CPEB2: variants seen among roughly 807,000 people sequenced by gnomAD.
CPEB2 encodes the protein cytoplasmic polyadenylation element binding protein 2, also known as cytoplasmic polyadenylation element-binding protein 2.
In CPEB2, 56 loss-of-function variants were observed where a neutral mutation model predicts 93.6. That is an observed-to-expected ratio of 0.60 (90% CI 0.48 to 0.75). The LOEUF is 0.75. Among genes scored for constraint, CPEB2 ranks in the 30% least tolerant of loss-of-function variants. The probability of loss-of-function intolerance (pLI) is 0.00; values close to 1 mark genes in which losing one functional copy is unlikely to be tolerated. For synonymous variants in CPEB2, 764 were observed against 586.3 expected, an observed-to-expected ratio of 1.30 and a Z score of -4.38; for missense variants, 1,579 against 1,395.1, an observed-to-expected ratio of 1.13 and a Z score of -2.10.
At chr4:15,022,142 G>A (rs1001707455) in intron 4 of CPEB2, among the ~76,000 whole-genome samples, 26 of 152,282 alleles carry the variant, frequency 1.7e-4, no homozygotes, top group African/African-American at 5.8e-4. Context: ...GTGGTTTTCA[G>A]GGCCCACCCT....
At chr4:15,035,778 G>A (rs1726543601) in intron 5 of CPEB2, among the ~76,000 whole-genome samples, 1 of 152,150 alleles carries the variant, frequency 6.6e-6, no homozygotes, top group Admixed American at 6.5e-5. Context: ...AAAGTGTGAT[G>A]CTGTTGCTCC....
intron 1 of CPEB2, chr4:15,004,847 GA>G (rs1269171107): frequency 6.6e-6 from 1 of 152,514 alleles, no homozygotes; most frequent in Non-Finnish European, 1.5e-5. Context: ...TTGGGCAGGG[GA>G]AAAATGATTG....
intron 4 of CPEB2, among the ~76,000 whole-genome samples, chr4:15,026,950 C>T (rs1725539789): frequency 6.6e-6 from 1 of 152,088 alleles, no homozygotes; most frequent in Admixed American, 6.6e-5. Flanking sequence ...TATTTTGTTG[C>T]CCATTTGCTA....
chr4:15,003,950 C>T lies in CPEB2; in HGVS notation c.1277C>T (p.Thr426Ile). The T allele has an allele frequency of 7.7e-7, 1 of 1,299,274 alleles. No homozygotes were observed. Among genetic ancestry groups the T allele is most frequent in the Non-Finnish European group, 1.0e-6 (1 of 1,000,050 alleles). 80.5% of individuals were successfully genotyped at this position (1,299,274 alleles called of 1,614,324 possible). The part of the protein sequence containing the change: ...QPQPPGSSAT[T>I]PGGGSGGSLS... The stretch of plus-strand genomic sequence containing the variant: ...CAGCCGCCCGGCTCGTCTGCCACCA[C>T]CCCGGGCGGCGGCAGCGGCGGCTCG... Residue 426 changes from threonine (T) to isoleucine (I), a missense_variant, in exon 1 of 12, where the codon ACC becomes ATC. By Grantham distance (89) the Thr-to-Ile change is moderately conservative (BLOSUM62 -1). This residue lies in a region of CPEB2 where 1,411 missense variants were observed against 1,056.0 expected (regional missense o/e 1.34). Coordinates refer to ENST00000538197, the MANE Select transcript of CPEB2 (RefSeq NM_001177382.2).
At chr4:15,055,536 A>G (rs1036763751) in intron 8 of CPEB2, among the ~76,000 whole-genome samples, 3 of 152,186 alleles carry the variant, frequency 2.0e-5, no homozygotes, top group Non-Finnish European at 4.4e-5. Flanking sequence ...AGCTACCATC[A>G]TCACTTGCCT....
chr4:15,020,185 C>T (rs2108997497), intron 4 of CPEB2, among the ~76,000 whole-genome samples: 1 of 152,178 alleles, frequency 6.6e-6, no homozygotes, highest in Admixed American at 6.6e-5. Context: ...CTTCTATGTC[C>T]TAGCCTTAGA....
At chr4:15,041,075 C>T (rs569926973) in intron 6 of CPEB2, among the ~76,000 whole-genome samples, 1 of 152,020 alleles carries the variant, frequency 6.6e-6, no homozygotes, top group African/African-American at 2.4e-5. Context: ...TTCCCTCCCC[C>T]ACAAAAGTAT....
At chr4:15,052,391 G>A in intron 6 of CPEB2, 23 bp from the exon 7 acceptor site, 2 of 1,387,886 alleles carry the variant, frequency 1.4e-6, no homozygotes, top group Non-Finnish European at 1.9e-6. Context: ...TGAGATTCAA[G>A]TTGTATTTGT....
intron 5 of CPEB2, among the ~76,000 whole-genome samples, chr4:15,035,784 G>A (rs76354299): frequency 0.025 from 3,831 of 152,216 alleles, 63 homozygotes; most frequent in Middle Eastern, 0.044. Flanking sequence ...TGATGCTGTT[G>A]CTCCTTGGAG....
At chr4:15,045,683 T>C (rs1727604770) in intron 6 of CPEB2, among the ~76,000 whole-genome samples, 1 of 152,138 alleles carries the variant, frequency 6.6e-6, no homozygotes, top group Non-Finnish European at 1.5e-5. Flanking sequence ...CAAATTAATA[T>C]CTTTAGGGTT....
chr4:15,040,592 C>T (rs1396085371), intron 6 of CPEB2, 105 bp downstream of exon 6: 3 of 1,030,276 alleles, frequency 2.9e-6, no homozygotes, highest in African/African-American at 1.6e-5. Context: ...TGAAAACTCA[C>T]ACAATTGTAT....
At chr4:15,040,548 GTAAT>G (rs1727068491) in intron 6 of CPEB2, 61 bp downstream of exon 6, 3 of 1,382,570 alleles carry the variant, frequency 2.2e-6, no homozygotes, top group African/African-American at 2.9e-5. Flanking sequence ...GATCAATGTT[GTAAT>G]TAATTACTCT....
intron 4 of CPEB2, among the ~76,000 whole-genome samples, chr4:15,023,689 C>T: frequency 6.6e-6 from 1 of 151,748 alleles, no homozygotes; most frequent in Non-Finnish European, 1.5e-5. Flanking sequence ...ATAGAAGTCT[C>T]CTTCCTCCTC....
Position 15,003,835 on chromosome 4 carries a change from G to T in CPEB2, c.1162G>T (p.Ala388Ser), listed in dbSNP as rs1188300003. Residue 388 changes from alanine (A) to serine (S), a missense_variant, in exon 1 of 12, where the codon GCG becomes TCG. Transcript: ENST00000538197. Reference protein sequence around the residue: ...GFGTPWSVQTASPPPQPQQPP... With the variant: ...GFGTPWSVQTSSPPPQPQQPP... ...CGGCACCCCCTGGTCGGTGCAGACC[G>T]CGTCGCCGCCACCCCAGCCCCAGCA... The T allele has an allele frequency of 2.2e-6, 2 of 912,794 alleles. No individual in the cohort carries two copies. The highest frequency in any genetic ancestry group is 3.1e-5 in the South Asian group (1 of 32,772). The allele number at this position is 912,794 out of a possible 1,614,324, so 56.5% of individuals were successfully genotyped here. A position where few individuals can be genotyped will look rare whatever the true frequency, so the allele number is the denominator to read the frequency against.
At chr4:15,025,579 G>C (rs1725357716) in intron 4 of CPEB2, among the ~76,000 whole-genome samples, 1 of 151,774 alleles carries the variant, frequency 6.6e-6, no homozygotes, top group African/African-American at 2.4e-5. Context: ...AAATGAACAT[G>C]GATGTGGGTC....
chr4:15,014,773 T>G (rs1723909448), intron 3 of CPEB2, among the ~76,000 whole-genome samples: 1 of 152,058 alleles, frequency 6.6e-6, no homozygotes, highest in Non-Finnish European at 1.5e-5. Context: ...TCCCTATTCT[T>G]AATCAACTTA....
intron 6 of CPEB2, among the ~76,000 whole-genome samples, chr4:15,049,816 TTCTC>T (rs1397362594): frequency 1.3e-5 from 2 of 152,186 alleles, no homozygotes; most frequent in Non-Finnish European, 2.9e-5. Context: ...AATATCATCT[TTCTC>T]TCTGTTGTTG....
intron 3 of CPEB2, among the ~76,000 whole-genome samples, chr4:15,014,650 C>A (rs930216969): frequency 6.6e-6 from 1 of 151,982 alleles, no homozygotes; most frequent in African/African-American, 2.4e-5. Context: ...TACAGTCTTT[C>A]TCCTTACAGA....
chr4:15,069,549 T>C lies in CPEB2; in HGVS notation c.*3169T>C, dbSNP rs1397069687. The C allele has an allele frequency of 6.6e-6, 1 of 152,252 alleles. No individual in the cohort carries two copies. The highest frequency in any genetic ancestry group is 1.5e-5 in the Non-Finnish European group (1 of 67,844). 9.4% of individuals were successfully genotyped at this position (152,252 alleles called of 1,614,324 possible). A position where few individuals can be genotyped will look rare whatever the true frequency, so the allele number is the denominator to read the frequency against. ...GTTTTGCTAACAAAAGGAGAGACTT[T>C]TTTCATGCATATTTCTATTTTGTTT... On this transcript the variant is annotated 3_prime_UTR_variant, in exon 12 of 12. Coordinates refer to ENST00000538197, the MANE Select transcript of CPEB2 (RefSeq NM_001177382.2).
Sources: gnomAD v4.1 joint callset for allele counts (sites outside exome capture counted in the v4.1 genomes callset) on GRCh38, gnomAD v4.1.1 for gene constraint, gnomAD v4.1.1 regional missense constraint, MANE v1.5 for transcripts, NCBI Gene and HGNC (gene_info 2026-07-23, HGNC 2026-07-21) for gene names.